SASH1: variants seen among roughly 807,000 people sequenced by gnomAD.
The protein encoded by SASH1 is SAM and SH3 domain containing 1, also known as SAM and SH3 domain-containing protein 1.
A neutral mutation model predicts 125.2 loss-of-function variants in SASH1; 44 were observed. The observed-to-expected ratio is 0.35, with a 90% CI of 0.28 to 0.45. The LOEUF (loss-of-function observed/expected upper bound fraction) is 0.45, where lower values mean the gene tolerates loss of function less well. Among genes scored for constraint, SASH1 ranks in the 20% least tolerant of loss-of-function variants. The probability of loss-of-function intolerance (pLI) is 1.00; values close to 1 mark genes in which losing one functional copy is unlikely to be tolerated. For synonymous variants in SASH1, 639 were observed against 649.1 expected (o/e 0.98, Z 0.24); for missense variants, 1,426 against 1,614.5 (o/e 0.88, Z 2.00).
rs985896089 is a variant in SASH1 at position 148,352,772 on chromosome 6, C to T, written c.156+9549C>T. Among the ~76,000 whole-genome samples, 39 of 152,094 alleles carry T rather than the reference C, an allele frequency of 2.6e-4. 1 individual carries two copies. Among genetic ancestry groups the T allele is most frequent in the Admixed American group, 8.5e-4 (13 of 15,264 alleles). Reference sequence around the variant, plus strand: ...GGATCACCTGTCAGGAGTTCAAGACCGGCCTGGCCAACATGGCGAAACCCC... The same window carrying T: ...GGATCACCTGTCAGGAGTTCAAGACTGGCCTGGCCAACATGGCGAAACCCC... On this transcript the variant is annotated intron_variant, in intron 1 of 19. Transcript: ENST00000367467.
chr6:148,512,834 A>C, intron 8 of SASH1: 1 of 985,222 alleles, frequency 1.0e-6, no homozygotes, highest in Non-Finnish European at 1.2e-6. Flanking sequence ...GAAGTCTGAG[A>C]AACACTTCTG....
chr6:148,470,781 G>C (rs1434557316), intron 5 of SASH1, among the ~76,000 whole-genome samples: 1 of 152,080 alleles, frequency 6.6e-6, no homozygotes, highest in Non-Finnish European at 1.5e-5. Flanking sequence ...GTAAGCTGTA[G>C]GTGGGTCACC....
the SASH1 span, among the ~76,000 whole-genome samples, chr6:148,228,922 C>A: frequency 6.6e-6 from 1 of 152,020 alleles, no homozygotes; most frequent in East Asian, 1.9e-4. Flanking sequence ...GATCACTTGA[C>A]GTCAAGAGTT....
chr6:148,263,952 G>A, the SASH1 span, among the ~76,000 whole-genome samples: 1 of 152,132 alleles, frequency 6.6e-6, no homozygotes, highest in Non-Finnish European at 1.5e-5. Context: ...CTATCATAAT[G>A]AAAGTAACAC....
At chr6:148,227,726 A>G in the SASH1 span, among the ~76,000 whole-genome samples, 16 of 152,202 alleles carry the variant, frequency 1.1e-4, no homozygotes, top group African/African-American at 3.9e-4. Flanking sequence ...CTCCAATCAC[A>G]GTGTATGTTT....
At chr6:148,453,840 T>C (rs1415992330) in intron 4 of SASH1, among the ~76,000 whole-genome samples, 1 of 152,152 alleles carries the variant, frequency 6.6e-6, no homozygotes, top group Non-Finnish European at 1.5e-5. Flanking sequence ...GGCATGGTGC[T>C]GAGGGCCCTG....
At chr6:148,294,678 A>T (rs1305211302) in intron 1 of SASH1, among the ~76,000 whole-genome samples, 2 of 152,230 alleles carry the variant, frequency 1.3e-5, no homozygotes, top group Non-Finnish European at 2.9e-5. Flanking sequence ...GATAAACGGC[A>T]GTGTGGAGTT....
At chr6:148,510,922 G>C (rs771781147) in intron 8 of SASH1, among the ~76,000 whole-genome samples, 15 of 150,330 alleles carry the variant, frequency 1.0e-4, no homozygotes, top group Non-Finnish European at 2.1e-4. Context: ...CTTGAACTCA[G>C]GACGCAGAGG....
chr6:148,526,627 G>A (rs1199173107), intron 11 of SASH1, among the ~76,000 whole-genome samples: 1 of 152,068 alleles, frequency 6.6e-6, no homozygotes, highest in Non-Finnish European at 1.5e-5. Flanking sequence ...CTTTCTCAGG[G>A]AGAAGTTTGT....
chr6:148,264,213 A>C, the SASH1 span, among the ~76,000 whole-genome samples: 18 of 150,844 alleles, frequency 1.2e-4, no homozygotes, highest in Admixed American at 1.1e-3. Flanking sequence ...TGTGAAATGC[A>C]TTCCTGTCAT....
rs1240699254 is a variant in SASH1 at position 148,551,751 on chromosome 6, CAACT to C, written c.*3197_*3200del. On this transcript the variant is annotated 3_prime_UTR_variant, in exon 20 of 20. Coordinates refer to ENST00000367467, the MANE Select transcript of SASH1 (RefSeq NM_015278.5). Reference sequence around the variant, plus strand: ...AGAAACTGTCGAGCAAGTTATATAACAACTAACAACATTGCACTTTCTGTATATG... The same window carrying C: ...AGAAACTGTCGAGCAAGTTATATAACAACAACATTGCACTTTCTGTATATG... 9 of 152,594 alleles carry C rather than the reference CAACT, an allele frequency of 5.9e-5. No homozygotes were observed. Among genetic ancestry groups the C allele is most frequent in the East Asian group, 1.9e-4 (1 of 5,204 alleles). 9.5% of individuals were successfully genotyped at this position (152,594 alleles called of 1,614,324 possible).
At chr6:148,514,604 T>G in intron 9 of SASH1, 148 bp downstream of exon 9, 8 of 1,029,184 alleles carry the variant, frequency 7.8e-6, no homozygotes, top group Non-Finnish European at 9.4e-6. Flanking sequence ...GGCAGGACTA[T>G]GCCTGCCAGC....
chr6:148,249,887 G>A, the SASH1 span, among the ~76,000 whole-genome samples: 1 of 152,208 alleles, frequency 6.6e-6, no homozygotes, highest in Non-Finnish European at 1.5e-5. Context: ...TATGGTCACA[G>A]TCCTAAGTGC....
chr6:148,341,719 A>G (rs1431689500), upstream of SASH1, among the ~76,000 whole-genome samples: 1 of 152,166 alleles, frequency 6.6e-6, no homozygotes, highest in Non-Finnish European at 1.5e-5. Flanking sequence ...AATCAACAAG[A>G]AACAGGAGAG....
intron 2 of SASH1, among the ~76,000 whole-genome samples, chr6:148,411,202 T>G (rs1784615258): frequency 7.9e-6 from 1 of 125,826 alleles, no homozygotes. Context: ...AAAAAGGCCT[T>G]CCAGGTCTGT....
intron 8 of SASH1, among the ~76,000 whole-genome samples, chr6:148,496,798 A>G (rs1026132243): frequency 6.6e-6 from 1 of 152,156 alleles, no homozygotes; most frequent in African/African-American, 2.4e-5. Flanking sequence ...TCTTGAGCCC[A>G]AGAGGCCGAA....
At chr6:148,389,666 C>T (rs1243724626) in intron 1 of SASH1, among the ~76,000 whole-genome samples, 3 of 152,154 alleles carry the variant, frequency 2.0e-5, no homozygotes, top group African/African-American at 7.2e-5. Context: ...GTCCTGACAT[C>T]TCTTTTATGA....
chr6:148,200,578 G>A, the SASH1 span, among the ~76,000 whole-genome samples: 1 of 152,222 alleles, frequency 6.6e-6, no homozygotes, highest in Non-Finnish European at 1.5e-5. Context: ...GAGGTGATTG[G>A]TGTGGCTCTT....
chr6:148,540,488 G>C lies in SASH1; in HGVS notation c.2141G>C (p.Ser714Thr), dbSNP rs772092441. 1 of 1,613,926 alleles carries C rather than the reference G, an allele frequency of 6.2e-7. No individual in the cohort carries two copies. The highest frequency in any genetic ancestry group is 8.5e-7 in the Non-Finnish European group (1 of 1,179,998). The change falls in exon 17 of 20, where the codon AGC becomes ACC. Residue 714 changes from serine to threonine, a missense_variant. Ser to Thr is a moderately conservative substitution (Grantham distance 58). Around this residue, in one of 3 missense-constraint regions of SASH1, gnomAD observed 634 missense variants for 694.4 expected, o/e 0.91. Transcript: ENST00000367467. Reference protein sequence around the residue: ...SGSQEKLLVDSQGLSGCSPRD... With the variant: ...SGSQEKLLVDTQGLSGCSPRD... ...TCCCAGGAGAAGCTGCTCGTTGACA[G>C]CCAGGGCCTGAGTGGATGCTCACCC... is the stretch of plus-strand genomic sequence containing the variant.
Sources: allele counts gnomAD v4.1 joint callset (sites outside exome capture counted in the v4.1 genomes callset), GRCh38; gene constraint gnomAD v4.1.1; regional missense constraint gnomAD v4.1.1; transcripts MANE v1.5; gene names NCBI Gene and HGNC (gene_info 2026-07-23, HGNC 2026-07-21).